The following ARMH3 variants were observed in gnomAD, a reference collection of about 807,000 sequenced individuals.
ARMH3 encodes armadillo-like helical domain-containing protein 3.
ARMH3 carries 60 observed loss-of-function variants against 99.1 expected under a neutral mutation model. The observed-to-expected ratio is 0.61, with a 90% CI of 0.49 to 0.75. ARMH3 has a LOEUF of 0.75. ARMH3 is among the 30% of genes least tolerant of loss of function. The probability of loss-of-function intolerance (pLI) is 0.00; values close to 1 mark genes in which losing one functional copy is unlikely to be tolerated. For synonymous variants in ARMH3, 285 were observed against 292.8 expected (o/e 0.97, Z 0.27); for missense variants, 679 against 843.1 (o/e 0.81, Z 2.41).
chr10:101,917,750 G>A (rs936930924), intron 23 of ARMH3, among the ~76,000 whole-genome samples: 2 of 152,204 alleles, frequency 1.3e-5, no homozygotes, highest in Admixed American at 1.3e-4. Context: ...TCATTTCTCT[G>A]CCCTCCCGGG....
intron 11 of ARMH3, 62 bp downstream of exon 11, chr10:102,011,661 C>T (rs1028175765): frequency 1.1e-5 from 15 of 1,399,596 alleles, no homozygotes; most frequent in Non-Finnish European, 1.4e-5. Flanking sequence ...CCCGATTTGT[C>T]CACCCCTGCA....
intron 23 of ARMH3, among the ~76,000 whole-genome samples, chr10:101,910,585 C>A (rs1224736539): frequency 6.6e-6 from 1 of 151,866 alleles, no homozygotes; most frequent in East Asian, 1.9e-4. Flanking sequence ...CAAAAATTAG[C>A]CAGCCATGGT....
intron 23 of ARMH3, among the ~76,000 whole-genome samples, chr10:101,910,704 C>T (rs1842828383): frequency 6.6e-6 from 1 of 150,396 alleles, no homozygotes; most frequent in Admixed American, 6.6e-5. Context: ...TGTACTCCAG[C>T]CTGCGTGACA....
At chr10:101,896,231 AAAACAAACAAAC>A (rs142465399) in intron 23 of ARMH3, among the ~76,000 whole-genome samples, 50 of 151,750 alleles carry the variant, frequency 3.3e-4, no homozygotes, top group Admixed American at 2.2e-3. Context: ...CCCTGTCTCA[AAAACAAACAAAC>A]AAACAAACAA....
intron 20 of ARMH3, among the ~76,000 whole-genome samples, chr10:101,974,675 C>G (rs1845911581): frequency 2.6e-5 from 4 of 152,202 alleles, no homozygotes; most frequent in African/African-American, 9.6e-5. Flanking sequence ...TGTTTTGTCT[C>G]TGGCACAGGG....
intron 5 of ARMH3, among the ~76,000 whole-genome samples, chr10:102,026,807 TA>T (rs1177272136): frequency 6.6e-6 from 1 of 152,200 alleles, no homozygotes; most frequent in African/African-American, 2.4e-5. Context: ...ATATATACAC[TA>T]ATGCCACACA....
chr10:101,936,969 T>A (rs1844008540), intron 23 of ARMH3, among the ~76,000 whole-genome samples: 1 of 152,328 alleles, frequency 6.6e-6, no homozygotes, highest in Non-Finnish European at 1.5e-5. Context: ...GGTGAAATAG[T>A]TGCTATCACC....
At chr10:101,858,261 T>C (rs1244529468) in intron 24 of ARMH3, among the ~76,000 whole-genome samples, 1 of 152,180 alleles carries the variant, frequency 6.6e-6, no homozygotes, top group African/African-American at 2.4e-5. Context: ...CAAGATGGCA[T>C]AGTGGTTAAG....
chr10:101,924,520 C>A (rs1843429648), intron 23 of ARMH3, among the ~76,000 whole-genome samples: 1 of 151,494 alleles, frequency 6.6e-6, no homozygotes, highest in Non-Finnish European at 1.5e-5. Flanking sequence ...CGCCACCATG[C>A]CTGGCTTTTT....
At chr10:101,994,241 C>T (rs376529333) in intron 16 of ARMH3, among the ~76,000 whole-genome samples, 1 of 152,276 alleles carries the variant, frequency 6.6e-6, no homozygotes, top group Non-Finnish European at 1.5e-5. Flanking sequence ...GGAACTGTTA[C>T]AATTTGTGAA....
At chr10:102,027,949 T>C (rs900529825) in intron 5 of ARMH3, among the ~76,000 whole-genome samples, 2 of 151,354 alleles carry the variant, frequency 1.3e-5, no homozygotes, top group African/African-American at 4.9e-5. Context: ...AAATCATATA[T>C]CTGATAAGGG....
intron 1 of ARMH3, among the ~76,000 whole-genome samples, 170 bp from the exon 2 acceptor site, chr10:102,040,295 C>T (rs1447389207): frequency 6.6e-6 from 1 of 152,114 alleles, no homozygotes; most frequent in Admixed American, 6.6e-5. Flanking sequence ...GTAAGTTCAT[C>T]ATTTATAACA....
intron 15 of ARMH3, among the ~76,000 whole-genome samples, chr10:101,997,848 T>C (rs994493909): frequency 6.6e-6 from 1 of 152,140 alleles, no homozygotes; most frequent in African/African-American, 2.4e-5. Context: ...AAAGATAATA[T>C]CCTCATGGCG....
chr10:101,933,415 C>CAGT (rs1440714486), intron 23 of ARMH3, among the ~76,000 whole-genome samples: 1 of 152,130 alleles, frequency 6.6e-6, no homozygotes, highest in African/African-American at 2.4e-5. Flanking sequence ...ACTTCTTTAC[C>CAGT]TCACTGCAGT....
chr10:102,048,627 CA>C (rs1402529695), intron 1 of ARMH3, among the ~76,000 whole-genome samples: 4 of 152,050 alleles, frequency 2.6e-5, no homozygotes, highest in Non-Finnish European at 1.5e-5. Flanking sequence ...AGGGCTTCAC[CA>C]AGTTGGCCAG....
chr10:101,894,982 G>A (rs1366267072), intron 23 of ARMH3, among the ~76,000 whole-genome samples: 1 of 151,892 alleles, frequency 6.6e-6, no homozygotes, highest in African/African-American at 2.4e-5. Flanking sequence ...ACCAGAAACT[G>A]ACCCTGCTGG....
chr10:102,008,254 T>C (rs1314758614), intron 13 of ARMH3, among the ~76,000 whole-genome samples: 1 of 152,246 alleles, frequency 6.6e-6, no homozygotes, highest in East Asian at 1.9e-4. Context: ...GACCTTATTT[T>C]TGTGTTAAAA....
intron 19 of ARMH3, among the ~76,000 whole-genome samples, chr10:101,980,242 TA>T (rs1846168137): frequency 6.6e-6 from 1 of 152,194 alleles, no homozygotes; most frequent in Non-Finnish European, 1.5e-5. Flanking sequence ...TGAACCTAGG[TA>T]AACTGCTAGT....
At chr10:101,952,246 G>T (rs963485822) in intron 22 of ARMH3, among the ~76,000 whole-genome samples, 4 of 152,166 alleles carry the variant, frequency 2.6e-5, no homozygotes, top group Non-Finnish European at 5.9e-5. Context: ...AGTATCATCA[G>T]TGATAAGTCA....
Sources: allele counts gnomAD v4.1 joint callset (sites outside exome capture counted in the v4.1 genomes callset), GRCh38; gene constraint gnomAD v4.1.1; transcripts MANE v1.5; gene names NCBI Gene and HGNC (gene_info 2026-07-23, HGNC 2026-07-21).